The following OCA2 variants were observed in gnomAD, a reference collection of about 807,000 sequenced individuals.
OCA2 encodes OCA2 melanosomal transmembrane protein.
Under a neutral mutation model 100.2 loss-of-function variants are expected in OCA2, and 77 were observed. The ratio of observed to expected loss-of-function variants is 0.77; its 90% CI spans 0.64 to 0.93. OCA2 has a LOEUF of 0.93. Ranked by LOEUF, OCA2 falls within the 40% of genes least tolerant of loss-of-function variation. The probability of loss-of-function intolerance (pLI) is 0.00; values close to 1 mark genes in which losing one functional copy is unlikely to be tolerated. For missense variants in OCA2, 1,062 were observed against 1,089.1 expected (o/e 0.98, Z 0.35); for synonymous variants, 432 against 439.2 (o/e 0.98, Z 0.21).
At chr15:27,910,539 T>C (rs1440919025) in intron 19 of OCA2, among the ~76,000 whole-genome samples, 1 of 152,130 alleles carries the variant, frequency 6.6e-6, no homozygotes, top group Non-Finnish European at 1.5e-5. Context: ...AGGAGTGATT[T>C]CCAAGACATA....
chr15:28,081,828 G>T lies in OCA2; in HGVS notation c.47C>A (p.Ala16Glu). Residue 16 changes from alanine to glutamate, a missense_variant, in exon 2 of 24, where the codon GCG becomes GAG. Transcript: ENST00000354638. The part of the protein sequence containing the change: ...RDGRRYPGAP[A>E]VELLQTSVPS... ...CACGGACGTCTGCAGGAGCTCCACC[G>T]CCGGCGCGCCGGGGTACCGCCTGCC... The T allele has an allele frequency of 6.2e-7, 1 of 1,611,666 alleles. No individual in the cohort carries two copies. Among genetic ancestry groups the T allele is most frequent in the East Asian group, 2.2e-5 (1 of 44,862 alleles).
intron 19 of OCA2, among the ~76,000 whole-genome samples, chr15:27,885,170 G>T (rs1241782785): frequency 6.6e-6 from 1 of 152,206 alleles, no homozygotes; most frequent in African/African-American, 2.4e-5. Flanking sequence ...ATGACAGTTA[G>T]CCAGGAAGAA....
At chr15:27,735,174 A>T in the OCA2 span, among the ~76,000 whole-genome samples, 4 of 152,200 alleles carry the variant, frequency 2.6e-5, no homozygotes, top group Non-Finnish European at 4.4e-5. Context: ...AAATAATTTT[A>T]AAAATCAAGC....
rs1246082851 is a variant in OCA2 at position 28,027,949 on chromosome 15, C to A, written c.437G>T (p.Gly146Val). The A allele has an allele frequency of 6.2e-7, 1 of 1,614,164 alleles. No individual in the cohort carries two copies. Among genetic ancestry groups the A allele is most frequent in the African/African-American group, 1.3e-5 (1 of 75,064 alleles). ...RRYLLSREVS[G>V]LSASASSEKG... ...CTCGGAGGAGGCAGATGCAGACAGA[C>A]CAGACACCTCCCTGCTTAGCAGGTA... The change falls in exon 4 of 24, where the codon GGT becomes GTT. Residue 146 changes from glycine (G) to valine (V), a missense_variant. Transcript: ENST00000354638.
intron 18 of OCA2, among the ~76,000 whole-genome samples, chr15:27,949,287 T>C (rs886653541): frequency 1.3e-5 from 2 of 152,218 alleles, no homozygotes; most frequent in African/African-American, 4.8e-5. Context: ...TTACATGATG[T>C]ACATCGTGTG....
At chr15:27,989,127 G>T (rs139677407) in intron 11 of OCA2, among the ~76,000 whole-genome samples, 5 of 152,206 alleles carry the variant, frequency 3.3e-5, no homozygotes, top group East Asian at 1.9e-4. Flanking sequence ...ACACTAGCCC[G>T]CTTGGGCACT....
chr15:27,950,500 C>T (rs1275091489), intron 18 of OCA2: 1 of 514,342 alleles, frequency 1.9e-6, no homozygotes, highest in African/African-American at 1.9e-5. Flanking sequence ...CATCAGGATT[C>T]CAAGCAGATC....
intron 1 of OCA2, among the ~76,000 whole-genome samples, chr15:28,098,748 C>T (rs1365674280): frequency 6.6e-6 from 1 of 152,218 alleles, no homozygotes; most frequent in Non-Finnish European, 1.5e-5. Context: ...GCTAGCTGCA[C>T]TAATGCCCAT....
intron 2 of OCA2, among the ~76,000 whole-genome samples, chr15:28,073,471 T>C (rs1435367280): frequency 6.6e-6 from 1 of 152,206 alleles, no homozygotes. Context: ...CTGGAAGCTA[T>C]AACCCTAAAC....
At chr15:28,051,993 G>C (rs2043532679) in intron 2 of OCA2, among the ~76,000 whole-genome samples, 1 of 152,180 alleles carries the variant, frequency 6.6e-6, no homozygotes, top group South Asian at 2.1e-4. Flanking sequence ...GAGCTGGAGA[G>C]GATCCTCCTA....
rs116727054 is a variant in OCA2, at chr15:28,004,486, C to T, written c.1044+10290G>A. ...GGACCGTCTGGCACACACCCACACA[C>T]AGACACACACACAGTCACACGCCCT... On this transcript the variant is annotated intron_variant, in intron 9 of 23. Transcript: ENST00000354638. Among the ~76,000 whole-genome samples, 564 of 152,322 alleles carry T rather than the reference C, an allele frequency of 3.7e-3. 4 individuals carry two copies. Among genetic ancestry groups the T allele is most frequent in the African/African-American group, 0.013 (544 of 41,566 alleles).
intron 19 of OCA2, among the ~76,000 whole-genome samples, chr15:27,915,121 G>A (rs762513784): frequency 9.9e-5 from 15 of 152,100 alleles, no homozygotes; most frequent in South Asian, 2.1e-4. Context: ...AGGACTCCCC[G>A]TTCAATAAAT....
At chr15:27,785,143 T>C (rs1170623697) in intron 23 of OCA2, among the ~76,000 whole-genome samples, 1 of 152,162 alleles carries the variant, frequency 6.6e-6, no homozygotes, top group Non-Finnish European at 1.5e-5. Context: ...TGTCAGACTA[T>C]GCAAGCCAGG....
chr15:28,060,987 A>G (rs907292186), intron 2 of OCA2, among the ~76,000 whole-genome samples: 1 of 152,236 alleles, frequency 6.6e-6, no homozygotes, highest in African/African-American at 2.4e-5. Context: ...AATGAGCAGC[A>G]AGTGTTTAAC....
chr15:27,977,767 A>T (rs138793489), intron 14 of OCA2, among the ~76,000 whole-genome samples: 212 of 152,224 alleles, frequency 1.4e-3, no homozygotes, highest in Non-Finnish European at 2.6e-3. Context: ...GAGCCCTCAC[A>T]CTGGGATTAA....
intron 9 of OCA2, among the ~76,000 whole-genome samples, chr15:28,013,901 A>T (rs1320852572): frequency 6.6e-6 from 1 of 152,200 alleles, no homozygotes; most frequent in African/African-American, 2.4e-5. Flanking sequence ...GAGATGTAAG[A>T]GATAACAATT....
intron 9 of OCA2, among the ~76,000 whole-genome samples, chr15:28,009,684 T>TCTCA (rs780133233): frequency 5.1e-4 from 70 of 138,110 alleles, no homozygotes; most frequent in African/African-American, 1.6e-3. Flanking sequence ...CGAGATTCTG[T>TCTCA]CACACACACA....
At chr15:27,960,461 C>T (rs1230375039) in intron 15 of OCA2, among the ~76,000 whole-genome samples, 1 of 152,220 alleles carries the variant, frequency 6.6e-6, no homozygotes, top group East Asian at 1.9e-4. Flanking sequence ...CTGCTTCTTC[C>T]TGTCCTAGGT....
chr15:27,768,974 T>C (rs1365881915), intron 23 of OCA2, among the ~76,000 whole-genome samples: 1 of 152,176 alleles, frequency 6.6e-6, no homozygotes, highest in East Asian at 1.9e-4. Flanking sequence ...GAGATTTATT[T>C]GAAGAGAGGA....
Sources: gnomAD v4.1 joint callset for allele counts (sites outside exome capture counted in the v4.1 genomes callset) on GRCh38, gnomAD v4.1.1 for gene constraint, MANE v1.5 for transcripts, NCBI Gene and HGNC (gene_info 2026-07-23, HGNC 2026-07-21) for gene names.